Variants in FCHO1 observed in about 807,000 individuals in gnomAD.
The protein encoded by FCHO1 is F-BAR domain only protein 1.
Under a neutral mutation model 114.4 loss-of-function variants are expected in FCHO1, and 45 were observed. The ratio of observed to expected loss-of-function variants is 0.39; its 90% CI spans 0.31 to 0.50. FCHO1 has a LOEUF of 0.50. Among genes scored for constraint, FCHO1 ranks in the 20% least tolerant of loss-of-function variants. FCHO1 has a pLI of 0.77. For missense variants in FCHO1, 1,042 were observed against 1,209.6 expected (o/e 0.86, Z 2.06); for synonymous variants, 480 against 488.9 (o/e 0.98, Z 0.24).
chr19:17,778,347 T>C, intron 19 of FCHO1, 119 bp downstream of exon 19: 1 of 894,558 alleles, frequency 1.1e-6, no homozygotes, highest in Non-Finnish European at 1.8e-6. Context: ...GACTAGTCCG[T>C]GTAGGGGTGG....
chr19:17,778,798 G>A lies in FCHO1; in HGVS notation c.1541G>A (p.Gly514Asp), dbSNP rs1271426472. ...SCRAPPPEAR[G>D]IRAPPLPDSP... ...AGGGCGCCACCCCCAGAGGCCAGGGGTATCCGGGCACCGCCTCTGCCAGAC... is the reference window on the plus strand; with the variant it reads ...AGGGCGCCACCCCCAGAGGCCAGGGATATCCGGGCACCGCCTCTGCCAGAC... Residue 514 changes from glycine to aspartate, a missense_variant, in exon 20 of 29, where the codon GGT becomes GAT. Physicochemically the swap from Gly to Asp is moderately conservative, Grantham distance 94. Around this residue, in one of 3 missense-constraint regions of FCHO1, gnomAD observed 455 missense variants for 455.4 expected, o/e 1.00. Transcript: ENST00000596536. 3 of 1,542,020 alleles carry A rather than the reference G, an allele frequency of 1.9e-6. No individual in the cohort carries two copies. The highest frequency in any genetic ancestry group is 1.7e-6 in the Non-Finnish European group (2 of 1,150,106).
At position 17,784,875 on chromosome 19, in the gene FCHO1, C is replaced by T. The variant is rs993717879; in HGVS notation, c.2377C>T (p.Pro793Ser). The T allele has an allele frequency of 1.2e-6, 2 of 1,613,550 alleles. No homozygotes were observed. The highest frequency in any genetic ancestry group is 1.7e-6 in the Non-Finnish European group (2 of 1,180,016). The change falls in exon 26 of 29, where the codon CCT becomes TCT. Residue 793 changes from proline to serine, a missense_variant. Around this residue, in one of 3 missense-constraint regions of FCHO1, gnomAD observed 137 missense variants for 190.0 expected, o/e 0.72. Coordinates refer to ENST00000596536, the MANE Select transcript of FCHO1 (RefSeq NM_015122.3). This position sits in a 1 kb window ranked among gnomAD's most constrained non-coding sequence, Gnocchi z 5.3. ...ACTCACGAACGTCCAGATCCTGCTGCCTGTGGGGGAGCCTGTGACCAACGT... is the reference window on the plus strand; with the variant it reads ...ACTCACGAACGTCCAGATCCTGCTGTCTGTGGGGGAGCCTGTGACCAACGT... ...TPLTNVQILL[P>S]VGEPVTNVRL...
At chr19:17,787,647 G>A in intron 27 of FCHO1, 35 bp from the exon 28 acceptor site, 1 of 1,526,656 alleles carries the variant, frequency 6.6e-7, no homozygotes, top group Non-Finnish European at 8.8e-7. Context: ...GACGGGGGCT[G>A]GTGCCAGGGC....
chr19:17,755,522 C>T (rs1009301326), intron 4 of FCHO1: 3 of 229,456 alleles, frequency 1.3e-5, no homozygotes, highest in Non-Finnish European at 2.6e-5. Context: ...GACCCAGGGT[C>T]ATTCCAGCCA....
In FCHO1 at chr19:17,771,675, A is replaced by C. The variant is rs981257779; in HGVS notation, c.594+779A>C. On this transcript the variant is annotated intron_variant, in intron 9 of 28. Coordinates refer to ENST00000596536, the MANE Select transcript of FCHO1 (RefSeq NM_015122.3). Reference sequence around the variant, plus strand: ...CAGAGCGAGACTCTGTCTCAAAAAAATAAAAAATAAAATAAAAAATAAAAT... The same window carrying C: ...CAGAGCGAGACTCTGTCTCAAAAAACTAAAAAATAAAATAAAAAATAAAAT... Among the ~76,000 whole-genome samples, 3 of 152,182 alleles carry C rather than the reference A, an allele frequency of 2.0e-5. No homozygotes were observed. The South Asian group carries it at 6.2e-4, about 32-fold the overall frequency.
Position 17,781,212 on chromosome 19 carries a change from T to A in FCHO1, c.1628-19T>A. 6.3e-7 allele frequency: 1 copy of A among 1,584,720 alleles called. No individual in the cohort carries two copies. The highest frequency in any genetic ancestry group is 8.6e-7 in the Non-Finnish European group (1 of 1,157,476). On this transcript the variant is annotated intron_variant, in intron 20 of 28. Transcript: ENST00000596536. ...CCCCGGGCAGCATCTCAGCAGTGCC[T>A]CTTTGTACTCGCTCCTAGACCTGAT...
rs762663681 is a variant in FCHO1, at chr19:17,775,528, C to A, written c.1003+15C>A. ...GACCCAGAACAATATCCTTCTGGCA[C>A]CCCCTGGGGGCAGTTGTTGGCACAG... is the stretch of plus-strand genomic sequence containing the variant. On this transcript the variant is annotated intron_variant, in intron 15 of 28. Transcript: ENST00000596536. The surrounding 1 kb of genome is among the most constrained non-coding windows in gnomAD (Gnocchi z 5.1). 6.2e-7 allele frequency: 1 copy of A among 1,612,476 alleles called. No homozygotes were observed. Among genetic ancestry groups the A allele is most frequent in the South Asian group, 1.1e-5 (1 of 91,054 alleles).
intron 4 of FCHO1, among the ~76,000 whole-genome samples, chr19:17,759,654 C>T (rs1042262763): frequency 4.0e-5 from 6 of 151,752 alleles, no homozygotes; most frequent in Non-Finnish European, 7.4e-5. Context: ...TGTATGAGGC[C>T]GGGCGTGGTG....
At position 17,784,023 on chromosome 19, in the gene FCHO1, T is replaced by C; in HGVS notation, c.2094-80T>C. 6.6e-7 allele frequency: 1 copy of C among 1,521,838 alleles called. No homozygotes were observed. Among genetic ancestry groups the C allele is most frequent in the Non-Finnish European group, 8.9e-7 (1 of 1,120,738 alleles). 94.3% of individuals were successfully genotyped at this position (1,521,838 alleles called of 1,614,324 possible). On this transcript the variant is annotated intron_variant, in intron 24 of 28. Transcript: ENST00000596536. The surrounding 1 kb of genome is among the most constrained non-coding windows in gnomAD (Gnocchi z 5.3). ...AGGGTGGGCCAGGAAATTGCATCTT[T>C]AGGAAGGGGTAGATTGAATGCTGGG...
At chr19:17,769,637 CG>C (rs1404491664) in intron 7 of FCHO1, among the ~76,000 whole-genome samples, 1 of 148,066 alleles carries the variant, frequency 6.8e-6, no homozygotes, top group African/African-American at 2.5e-5. Context: ...ACACACAAAA[CG>C]GTGAGTTAAG....
At chr19:17,765,302 T>C (rs1009657335) in intron 6 of FCHO1, among the ~76,000 whole-genome samples, 9 of 151,964 alleles carry the variant, frequency 5.9e-5, no homozygotes, top group African/African-American at 1.9e-4. Flanking sequence ...GCTGCAGGGC[T>C]TGGGCAACGT....
In FCHO1 at chr19:17,772,737, G is replaced by A; in HGVS notation, c.786G>A (p.Lys262=). ...FAESKGTGRE[K]PGPLDFEAYS... is the part of the protein sequence containing the mutation. ...AGAGTAAGGGCACAGGCCGGGAGAAGCCTGGTGAGTCAGGGCAGCCATTGG... is the reference window on the plus strand; with the variant it reads ...AGAGTAAGGGCACAGGCCGGGAGAAACCTGGTGAGTCAGGGCAGCCATTGG... Residue 262 remains lysine, a synonymous_variant, in exon 11 of 29, where the codon AAG becomes AAA. Coordinates refer to ENST00000596536, the MANE Select transcript of FCHO1 (RefSeq NM_015122.3). 6.2e-7 allele frequency: 1 copy of A among 1,613,964 alleles called. No individual in the cohort carries two copies. Among genetic ancestry groups the A allele is most frequent in the Non-Finnish European group, 8.5e-7 (1 of 1,179,842 alleles).
rs1225836941 is a variant in FCHO1 at position 17,788,425 on chromosome 19, G to A, written c.*119G>A. 2.5e-5 allele frequency: 18 copies of A among 734,356 alleles called. No individual in the cohort carries two copies. Among genetic ancestry groups the A allele is most frequent in the Non-Finnish European group, 3.5e-5 (15 of 432,028 alleles). 45.5% of individuals were successfully genotyped at this position (734,356 alleles called of 1,614,324 possible). A position where few individuals can be genotyped will look rare whatever the true frequency, so the allele number is the denominator to read the frequency against. On this transcript the variant is annotated 3_prime_UTR_variant, in exon 29 of 29. Coordinates refer to ENST00000596536, the MANE Select transcript of FCHO1 (RefSeq NM_015122.3). ...AGCCTCCCTGAGGCCCATACTCCACGGAGAGGAGCCCCATGCCCAGCCTGG... is the reference window on the plus strand; with the variant it reads ...AGCCTCCCTGAGGCCCATACTCCACAGAGAGGAGCCCCATGCCCAGCCTGG...
chr19:17,766,526 C>T (rs1009783016), intron 6 of FCHO1, 143 bp from the exon 7 acceptor site: 11 of 1,123,132 alleles, frequency 9.8e-6, no homozygotes, highest in South Asian at 1.6e-5. Flanking sequence ...CCGCCTCTTA[C>T]AGCTGCCATG....
At chr19:17,767,450 C>T (rs1406107152) in intron 7 of FCHO1, among the ~76,000 whole-genome samples, 1 of 149,270 alleles carries the variant, frequency 6.7e-6, no homozygotes, top group African/African-American at 2.5e-5. Context: ...GCCGGTAGTC[C>T]CAGCTACTCA....
At chr19:17,755,066 C>T (rs1224699397) in intron 3 of FCHO1, 52 bp from the exon 4 acceptor site, 2 of 1,178,460 alleles carry the variant, frequency 1.7e-6, no homozygotes, top group African/African-American at 1.5e-5. Flanking sequence ...TTTCCCCCCA[C>T]CAAGCCCACA....
Position 17,775,379 on chromosome 19 carries a change from G to T in FCHO1, c.946-77G>T. 1 of 1,418,002 alleles carries T rather than the reference G, an allele frequency of 7.1e-7. No individual in the cohort carries two copies. Among genetic ancestry groups the T allele is most frequent in the Non-Finnish European group, 1.0e-6 (1 of 1,002,530 alleles). 87.8% of individuals were successfully genotyped at this position (1,418,002 alleles called of 1,614,324 possible). On this transcript the variant is annotated intron_variant, in intron 14 of 28. Coordinates refer to ENST00000596536, the MANE Select transcript of FCHO1 (RefSeq NM_015122.3). This position sits in a 1 kb window ranked among gnomAD's most constrained non-coding sequence, Gnocchi z 5.1. The stretch of plus-strand genomic sequence containing the variant: ...CTGAGTCAAGGCCTGGGGGCAGGGC[G>T]GGGGGCGGTTGGCAGGGTGAGATGG...
chr19:17,755,375 C>T, intron 4 of FCHO1, 184 bp downstream of exon 4: 1 of 585,598 alleles, frequency 1.7e-6, no homozygotes, highest in Non-Finnish European at 3.1e-6. Flanking sequence ...CCTCACAGGC[C>T]TTACAACCTT....
At position 17,755,421 on chromosome 19, in the gene FCHO1, G is replaced by A; in HGVS notation, c.27+230G>A. Reference sequence around the variant, plus strand: ...TAGCTTGTGTCATAGGGAGACCAAGGGCCAGAGTGGGAACGTCTAGGCAAC... The same window carrying A: ...TAGCTTGTGTCATAGGGAGACCAAGAGCCAGAGTGGGAACGTCTAGGCAAC... On this transcript the variant is annotated intron_variant, in intron 4 of 28. Coordinates refer to ENST00000596536, the MANE Select transcript of FCHO1 (RefSeq NM_015122.3). 4 of 415,272 alleles carry A rather than the reference G, an allele frequency of 9.6e-6. 1 individual carries two copies. The South Asian group carries it at 1.9e-4, about 19-fold the overall frequency. 25.7% of individuals were successfully genotyped at this position (415,272 alleles called of 1,614,324 possible). A position where few individuals can be genotyped will look rare whatever the true frequency, so the allele number is the denominator to read the frequency against.
Sources: allele counts gnomAD v4.1 joint callset (sites outside exome capture counted in the v4.1 genomes callset), GRCh38; gene constraint gnomAD v4.1.1; regional missense constraint gnomAD v4.1.1; non-coding constraint Gnocchi (gnomAD v3.1); transcripts MANE v1.5; gene names NCBI Gene and HGNC (gene_info 2026-07-23, HGNC 2026-07-21).